Variants in ARHGEF11 observed in about 807,000 individuals in gnomAD.
ARHGEF11 encodes the protein Rho guanine nucleotide exchange factor 11.
ARHGEF11 carries 55 observed loss-of-function variants against 193.7 expected under a neutral mutation model. The observed-to-expected ratio is 0.28, with a 90% CI of 0.23 to 0.36. ARHGEF11 has a LOEUF of 0.36. ARHGEF11 is among the 10% of genes least tolerant of loss of function. ARHGEF11 has a pLI of 1.00. For synonymous variants in ARHGEF11, 693 were observed against 768.0 expected, an observed-to-expected ratio of 0.90 and a Z score of 1.62; for missense variants, 1,723 against 2,005.6, an observed-to-expected ratio of 0.86 and a Z score of 2.69.
At chr1:156,938,628 G>A in intron 37 of ARHGEF11, 115 bp from the exon 38 acceptor site, 1 of 910,388 alleles carries the variant, frequency 1.1e-6, no homozygotes, top group Non-Finnish European at 1.7e-6. Flanking sequence ...AGGAGAAAAT[G>A]GGAAGAACAA....
chr1:156,944,570 G>C lies in ARHGEF11; in HGVS notation c.2992-137C>G. On this transcript the variant is annotated intron_variant, in intron 30 of 40. Coordinates refer to ENST00000368194, the MANE Select transcript of ARHGEF11 (RefSeq NM_198236.3). ...AAAAAGTCCTTGCCCTTACTCTCTT[G>C]TGCGGGATGAAGACAAGCAAAAAGG... The C allele has an allele frequency of 4.5e-6, 4 of 888,772 alleles. No homozygotes were observed. In the South Asian group the frequency reaches 4.8e-5, roughly 11 times the overall value. The allele number at this position is 888,772 out of a possible 1,614,324, so 55.1% of individuals were successfully genotyped here.
chr1:156,965,749 C>T (rs1661595717), intron 11 of ARHGEF11, among the ~76,000 whole-genome samples: 1 of 152,122 alleles, frequency 6.6e-6, no homozygotes. Context: ...CACAGTAGCT[C>T]TTGATTAGAA....
chr1:156,956,653 G>T, intron 18 of ARHGEF11, 89 bp from the exon 19 acceptor site: 1 of 1,555,754 alleles, frequency 6.4e-7, no homozygotes, highest in South Asian at 1.2e-5. Context: ...CAGTGGAGTG[G>T]GGAAGGGGTA....
In ARHGEF11 at chr1:156,954,198, G is replaced by T. The variant is rs562932147; in HGVS notation, c.1798+694C>A. On this transcript the variant is annotated intron_variant, in intron 21 of 40. Coordinates refer to ENST00000368194, the MANE Select transcript of ARHGEF11 (RefSeq NM_198236.3). ...AGTTCGAGACCAGCCTGGCCAATAT[G>T]GTGAAACCCCATCTCTACTAAAAAT... Among the ~76,000 whole-genome samples the T allele has an allele frequency of 1.1e-4, 17 of 151,980 alleles. No individual in the cohort carries two copies. In the South Asian group the frequency reaches 3.3e-3, roughly 30 times the overall value.
At chr1:156,981,150 C>T (rs1664114994) in intron 3 of ARHGEF11, among the ~76,000 whole-genome samples, 1 of 151,834 alleles carries the variant, frequency 6.6e-6, no homozygotes, top group African/African-American at 2.4e-5. Context: ...CAACTCAACC[C>T]TCCCAAGTAG....
intron 1 of ARHGEF11, among the ~76,000 whole-genome samples, chr1:157,017,706 CAAAAA>C (rs1047573559): frequency 1.4e-3 from 57 of 41,540 alleles, no homozygotes; most frequent in Non-Finnish European, 2.6e-3. Context: ...GACTCCGTCT[CAAAAA>C]AAAAAAAAAA....
At chr1:156,945,664 GTGTAACCACA>G in intron 29 of ARHGEF11, 3 of 246,236 alleles carry the variant, frequency 1.2e-5, no homozygotes, top group Non-Finnish European at 2.4e-5. Flanking sequence ...TGCCCCTCTA[GTGTAACCACA>G]TAGGCTGTGT....
In ARHGEF11 at chr1:157,028,304, T is replaced by C. The variant is rs117901030; in HGVS notation, c.32+15995A>G. Among the ~76,000 whole-genome samples, 246 of 152,354 alleles carry C rather than the reference T, an allele frequency of 1.6e-3. 4 individuals carry two copies. In the East Asian group the frequency reaches 0.038, roughly 24 times the overall value. ...ATATAATAATAATAGCTGACATTTATTGAATTCTTAACTACATCAGGTATT... is the reference window on the plus strand; with the variant it reads ...ATATAATAATAATAGCTGACATTTACTGAATTCTTAACTACATCAGGTATT... On this transcript the variant is annotated intron_variant, in intron 1 of 40. Transcript: ENST00000368194.
chr1:156,997,626 C>T (rs1666708166), intron 1 of ARHGEF11, among the ~76,000 whole-genome samples: 1 of 152,102 alleles, frequency 6.6e-6, no homozygotes. Flanking sequence ...TGGGAGTACC[C>T]TCTAGCCCTG....
chr1:156,940,497 T>C, intron 35 of ARHGEF11, 72 bp from the exon 36 acceptor site: 3 of 1,415,108 alleles, frequency 2.1e-6, no homozygotes, highest in Non-Finnish European at 2.9e-6. Context: ...TATGGGCAGC[T>C]TTGGAGCCAA....
At chr1:157,025,274 G>C (rs759763303) in intron 1 of ARHGEF11, among the ~76,000 whole-genome samples, 1 of 152,182 alleles carries the variant, frequency 6.6e-6, no homozygotes, top group Non-Finnish European at 1.5e-5. Flanking sequence ...TTTTGCAGGT[G>C]CCTTTCCAAC....
chr1:157,038,471 A>G (rs1308716123), intron 1 of ARHGEF11, among the ~76,000 whole-genome samples: 5 of 152,244 alleles, frequency 3.3e-5, no homozygotes, highest in Admixed American at 3.3e-4. Context: ...TAGAAAGACA[A>G]TAAAATGGTT....
rs762781755 is a variant in ARHGEF11 at position 156,984,465 on chromosome 1, C to A, written c.125-28G>T. On this transcript the variant is annotated intron_variant, in intron 2 of 40. Coordinates refer to ENST00000368194, the MANE Select transcript of ARHGEF11 (RefSeq NM_198236.3). The stretch of plus-strand genomic sequence containing the variant: ...GGAAGGCGGAGAGAAAGGTTGAGTA[C>A]GCAGTGTCACTGGGAGGTTAGTGTA... The A allele has an allele frequency of 9.7e-6, 15 of 1,540,318 alleles. No individual in the cohort carries two copies. The African/African-American group carries it at 1.8e-4, about 18-fold the overall frequency.
At chr1:156,985,513 T>A (rs1193559609) in intron 2 of ARHGEF11, among the ~76,000 whole-genome samples, 1 of 152,080 alleles carries the variant, frequency 6.6e-6, no homozygotes, top group East Asian at 1.9e-4. Context: ...AACCTCTGCC[T>A]TCTGGGTTCA....
intron 15 of ARHGEF11, 125 bp downstream of exon 15, chr1:156,960,293 T>C (rs910486812): frequency 6.2e-5 from 55 of 887,314 alleles, no homozygotes; most frequent in Non-Finnish European, 9.9e-5. Flanking sequence ...CATGGGTCTT[T>C]TCCTCTATTA....
chr1:156,936,308 C>T, intron 40 of ARHGEF11: 1 of 666,486 alleles, frequency 1.5e-6, no homozygotes, highest in South Asian at 1.4e-5. Context: ...TGTCCCTGGC[C>T]CACCCAGTGT....
In ARHGEF11 at chr1:156,946,825, C is replaced by T. The variant is rs201799030; in HGVS notation, c.2569-38G>A. On this transcript the variant is annotated intron_variant, in intron 27 of 40. Coordinates refer to ENST00000368194, the MANE Select transcript of ARHGEF11 (RefSeq NM_198236.3). ...AATGGACACGGGGCCAGGCATCAAA[C>T]CCCTGCCTGGGACCAGACCCCTGCC... The T allele has an allele frequency of 9.9e-5, 160 of 1,610,014 alleles. No homozygotes were observed. In the African/African-American group the frequency reaches 2.0e-3, roughly 21 times the overall value.
intron 1 of ARHGEF11, among the ~76,000 whole-genome samples, chr1:157,006,266 C>T (rs7349078): frequency 6.6e-6 from 1 of 152,154 alleles, no homozygotes; most frequent in African/African-American, 2.4e-5. Flanking sequence ...GCTACTGCAC[C>T]TGGCCCACAC....
At chr1:156,985,114 A>G (rs575162074) in intron 2 of ARHGEF11, among the ~76,000 whole-genome samples, 2 of 152,300 alleles carry the variant, frequency 1.3e-5, no homozygotes, top group Non-Finnish European at 2.9e-5. Context: ...TAGACATCGT[A>G]CATGTGTATG....
Sources: allele counts gnomAD v4.1 joint callset (sites outside exome capture counted in the v4.1 genomes callset), GRCh38; gene constraint gnomAD v4.1.1; transcripts MANE v1.5; gene names NCBI Gene and HGNC (gene_info 2026-07-23, HGNC 2026-07-21).